PATJ: variants seen among roughly 807,000 people sequenced by gnomAD.
PATJ encodes inaD-like protein.
In PATJ, 190 loss-of-function variants were observed where a neutral mutation model predicts 224.9. The observed-to-expected ratio is 0.84, with a 90% CI of 0.75 to 0.95. The LOEUF is 0.95. Ranked by LOEUF, PATJ falls within the 40% of genes least tolerant of loss-of-function variation. The pLI is 0.00. For missense variants in PATJ, 2,121 were observed against 2,270.3 expected (o/e 0.93, Z 1.34); for synonymous variants, 769 against 820.3 (o/e 0.94, Z 1.07).
At chr1:61,796,280 T>C in intron 10 of PATJ, among the ~76,000 whole-genome samples, 1 of 152,214 alleles carries the variant, frequency 6.6e-6, no homozygotes, top group East Asian at 1.9e-4. Flanking sequence ...TCTGATAGAC[T>C]TCAGGAATTG....
At chr1:61,915,824 G>A (rs959519803) in intron 26 of PATJ, among the ~76,000 whole-genome samples, 1 of 151,732 alleles carries the variant, frequency 6.6e-6, no homozygotes, top group African/African-American at 2.4e-5. Context: ...AGCCTCCCAA[G>A]TTGCTGGGAT....
At chr1:62,019,930 AG>A (rs1473481770) in intron 29 of PATJ, among the ~76,000 whole-genome samples, 1 of 152,062 alleles carries the variant, frequency 6.6e-6, no homozygotes, top group African/African-American at 2.4e-5. Flanking sequence ...CCACTTTGGG[AG>A]GCCAAGGCAG....
chr1:61,813,334 CATATATATATATATATATAT>C (rs747640923), intron 14 of PATJ, among the ~76,000 whole-genome samples: 1,486 of 63,084 alleles, frequency 0.024, 72 homozygotes, highest in African/African-American at 0.076. Context: ...ATGGAATGTA[CATATATATATATATATATAT>C]ATATATATAT....
intron 14 of PATJ, among the ~76,000 whole-genome samples, chr1:61,811,999 T>G (rs1437406329): frequency 6.6e-6 from 1 of 151,478 alleles, no homozygotes; most frequent in Non-Finnish European, 1.5e-5. Flanking sequence ...AGGCGGAGCT[T>G]GCAGTGAGCC....
At chr1:62,109,031 A>T (rs995446796) in intron 34 of PATJ, among the ~76,000 whole-genome samples, 1 of 152,202 alleles carries the variant, frequency 6.6e-6, no homozygotes, top group Non-Finnish European at 1.5e-5. Context: ...GCTTACTAAA[A>T]ATTGAAATGC....
intron 38 of PATJ, among the ~76,000 whole-genome samples, chr1:62,122,093 G>A (rs1408315094): frequency 2.0e-5 from 3 of 152,076 alleles, no homozygotes; most frequent in Non-Finnish European, 2.9e-5. Flanking sequence ...AGCCGGGCCC[G>A]GTGGCTCATG....
At chr1:61,758,777 T>C (rs906033578) in intron 1 of PATJ, among the ~76,000 whole-genome samples, 1 of 152,156 alleles carries the variant, frequency 6.6e-6, no homozygotes, top group Non-Finnish European at 1.5e-5. Flanking sequence ...TTTGTTGTTG[T>C]TGTTTTTTAA....
Position 62,116,612 on chromosome 1 carries a change from A to G in PATJ, c.4736A>G (p.Gln1579Arg), listed in dbSNP as rs1232312785. 6.2e-7 allele frequency: 1 copy of G among 1,613,968 alleles called. No individual in the cohort carries two copies. Among genetic ancestry groups the G allele is most frequent in the African/African-American group, 1.3e-5 (1 of 74,930 alleles). ...GATGGGAGATTGATTCAGGGAGATC[A>G]GATCTTATCTGTGAATGGGGAGGAC... ...DLDGRLIQGD[Q>R]ILSVNGEDMR... Residue 1579 changes from glutamine (Q) to arginine (R), a missense_variant, in exon 36 of 44, where the codon CAG becomes CGG. Coordinates refer to ENST00000642238, the MANE Select transcript of PATJ (RefSeq NM_001350145.3).
At chr1:61,888,400 C>T (rs768468813) in intron 22 of PATJ, among the ~76,000 whole-genome samples, 11 of 152,132 alleles carry the variant, frequency 7.2e-5, no homozygotes, top group Non-Finnish European at 1.3e-4. Flanking sequence ...CCTCAGCCTC[C>T]TGAGTAGCTG....
rs749531078 is a variant in PATJ, at chr1:61,791,333, G to GT, written c.1069-9dup. ...CCACTAAGCATATATAATTAAATTTGTTTTTTCCTTTTAGGACAGTTCTCT... is the reference window on the plus strand; with the variant it reads ...CCACTAAGCATATATAATTAAATTTGTTTTTTTCCTTTTAGGACAGTTCTCT... On this transcript the variant is annotated splice_polypyrimidine_tract_variant and intron_variant, in intron 8 of 43. Transcript: ENST00000642238. 13 of 1,497,600 alleles carry GT rather than the reference G, an allele frequency of 8.7e-6. No individual in the cohort carries two copies. Among genetic ancestry groups the GT allele is most frequent in the Non-Finnish European group, 1.0e-5 (11 of 1,075,776 alleles). 92.8% of individuals were successfully genotyped at this position (1,497,600 alleles called of 1,614,324 possible). A position where few individuals can be genotyped will look rare whatever the true frequency, so the allele number is the denominator to read the frequency against.
chr1:61,982,358 T>C (rs921062825), intron 27 of PATJ, among the ~76,000 whole-genome samples: 1 of 152,004 alleles, frequency 6.6e-6, no homozygotes, highest in African/African-American at 2.4e-5. Context: ...AGGGATCTTA[T>C]TACCTAAAAT....
intron 32 of PATJ, among the ~76,000 whole-genome samples, chr1:62,083,703 G>A (rs1659577070): frequency 6.6e-6 from 1 of 152,024 alleles, no homozygotes; most frequent in Non-Finnish European, 1.5e-5. Flanking sequence ...TAATATATTT[G>A]GGGATAAATT....
At chr1:61,886,350 C>T (rs1404801097) in intron 22 of PATJ, among the ~76,000 whole-genome samples, 2 of 152,172 alleles carry the variant, frequency 1.3e-5, no homozygotes, top group African/African-American at 4.8e-5. Flanking sequence ...GCTATGTTCA[C>T]ATGCTAATAG....
intron 3 of PATJ, among the ~76,000 whole-genome samples, chr1:61,765,926 G>A (rs1319954181): frequency 1.3e-5 from 2 of 152,092 alleles, no homozygotes; most frequent in African/African-American, 2.4e-5. Context: ...TGCTCCCCAC[G>A]TGGAATTGTA....
chr1:61,780,875 G>C (rs765673104), intron 7 of PATJ, among the ~76,000 whole-genome samples: 7 of 152,124 alleles, frequency 4.6e-5, no homozygotes, highest in African/African-American at 1.7e-4. Flanking sequence ...TCTGATTTTC[G>C]CCCTTTACTG....
intron 27 of PATJ, among the ~76,000 whole-genome samples, chr1:61,934,678 A>G (rs992967246): frequency 2.0e-5 from 3 of 152,112 alleles, no homozygotes; most frequent in Non-Finnish European, 4.4e-5. Flanking sequence ...TATCATTTTA[A>G]TGTACTTACT....
At chr1:61,877,454 GA>G (rs1238173538) in intron 21 of PATJ, among the ~76,000 whole-genome samples, 1 of 151,868 alleles carries the variant, frequency 6.6e-6, no homozygotes, top group African/African-American at 2.4e-5. Context: ...ATCTCATGTT[GA>G]ATCATAATTC....
intron 27 of PATJ, among the ~76,000 whole-genome samples, chr1:61,928,351 C>T (rs183267887): frequency 4.5e-4 from 68 of 152,174 alleles, no homozygotes; most frequent in African/African-American, 1.5e-3. Flanking sequence ...CTTTTATGTG[C>T]GTCTAGTGTA....
intron 3 of PATJ, among the ~76,000 whole-genome samples, chr1:61,764,500 C>T (rs1376818726): frequency 6.6e-6 from 1 of 151,210 alleles, no homozygotes; most frequent in Non-Finnish European, 1.5e-5. Flanking sequence ...GTTTTGGGGT[C>T]AGGGATGGCA....
Sources: allele counts gnomAD v4.1 joint callset (sites outside exome capture counted in the v4.1 genomes callset), GRCh38; gene constraint gnomAD v4.1.1; transcripts MANE v1.5; gene names NCBI Gene and HGNC (gene_info 2026-07-23, HGNC 2026-07-21).